The following RBM28 variants were observed in gnomAD, a reference collection of about 807,000 sequenced individuals.
The protein encoded by RBM28 is RNA-binding protein 28.
RBM28 carries 78 observed loss-of-function variants against 98.3 expected under a neutral mutation model. That is an observed-to-expected ratio of 0.79 (90% confidence interval 0.66 to 0.96). RBM28 has a LOEUF of 0.96. RBM28 is among the 40% of genes least tolerant of loss of function. RBM28 has a pLI of 0.00. For synonymous variants in RBM28, 306 were observed against 330.9 expected (o/e 0.92, Z 0.82); for missense variants, 838 against 913.0 (o/e 0.92, Z 1.06).
chr7:128,339,546 A>C, intron 2 of RBM28, 87 bp downstream of exon 2: 1 of 1,487,066 alleles, frequency 6.7e-7, no homozygotes. Context: ...TAAGTTCTAG[A>C]AGCTACCTCC....
At chr7:128,329,188 C>T (rs917445075) in intron 10 of RBM28, among the ~76,000 whole-genome samples, 4 of 152,170 alleles carry the variant, frequency 2.6e-5, no homozygotes, top group Non-Finnish European at 5.9e-5. Context: ...CAACCTCCCC[C>T]TCCCAGGTTC....
At chr7:128,316,913 A>G (rs189080651) in intron 16 of RBM28, among the ~76,000 whole-genome samples, 1,892 of 152,328 alleles carry the variant, frequency 0.012, 16 homozygotes, top group Non-Finnish European at 0.016. Context: ...CACAAAGACT[A>G]CAAATGTTTG....
chr7:128,343,537 G>C (rs953319477), intron 1 of RBM28, 139 bp downstream of exon 1: 3 of 609,336 alleles, frequency 4.9e-6, no homozygotes, highest in Admixed American at 2.9e-5. Flanking sequence ...ATCTAAAGCA[G>C]AATCAGTTTG....
At chr7:128,325,505 A>G (rs1241167303) in intron 11 of RBM28, among the ~76,000 whole-genome samples, 1 of 152,208 alleles carries the variant, frequency 6.6e-6, no homozygotes, top group Non-Finnish European at 1.5e-5. Flanking sequence ...TTAATACCTC[A>G]TCCTAGTCTT....
rs531407819 is a variant in RBM28 at position 128,335,615 on chromosome 7, C to T, written c.874G>A (p.Glu292Lys). 3 of 1,614,204 alleles carry T rather than the reference C, an allele frequency of 1.9e-6. No homozygotes were observed. Among genetic ancestry groups the T allele is most frequent in the Non-Finnish European group, 2.5e-6 (3 of 1,180,030 alleles). ...TCTCCATCATCAATACTATCGCTTT[C>T]CTCTAGGTCACTGTCCTCCTCAGAA... ...DHSEEDSDLE[E>K]SDSIDDGEEL... The change falls in exon 8 of 19, where the codon GAA becomes AAA. Residue 292 changes from glutamate (E) to lysine (K), a missense_variant. By Grantham distance (56) the Glu-to-Lys change is moderately conservative. Coordinates refer to ENST00000223073, the MANE Select transcript of RBM28 (RefSeq NM_018077.3).
chr7:128,323,583 C>A lies in RBM28; in HGVS notation c.1348G>T (p.Ala450Ser). The change falls in exon 13 of 19, where the codon GCT (alanine) becomes TCT (serine). Residue 450 changes from alanine (A) to serine (S), a missense_variant. By Grantham distance (99) the Ala-to-Ser change is moderately conservative. Transcript: ENST00000223073. ...ACACCCTCTGCAGCCTTCGTCCCAG[C>A]ACGAATCACTGCAGAAAGAGGGAAA... ...LYLAREGLIR[A>S]GTKAAEGVSA... 1 of 1,614,212 alleles carries A rather than the reference C, an allele frequency of 6.2e-7. No individual in the cohort carries two copies. The highest frequency in any genetic ancestry group is 8.5e-7 in the Non-Finnish European group (1 of 1,180,034).
intron 12 of RBM28, among the ~76,000 whole-genome samples, chr7:128,323,923 G>A (rs1478014220): frequency 6.6e-6 from 1 of 152,198 alleles, no homozygotes; most frequent in Non-Finnish European, 1.5e-5. Context: ...CATTTAGAAT[G>A]CACAATGTTC....
At position 128,339,225 on chromosome 7, in the gene RBM28, AC is replaced by A. The variant is rs779921432; in HGVS notation, c.372+1del. 5 of 1,604,212 alleles carry A rather than the reference AC, an allele frequency of 3.1e-6. No individual in the cohort carries two copies. The highest frequency in any genetic ancestry group is 4.3e-6 in the Non-Finnish European group (5 of 1,170,978). ...GCAATGTTCATTTTCTCTCTCACTT[AC>A]CTTAAAGCTCAGGTTCCGAATAATT... is the stretch of plus-strand genomic sequence containing the variant. On this transcript the variant is annotated splice_donor_variant, in intron 3 of 18. Coordinates refer to ENST00000223073, the MANE Select transcript of RBM28 (RefSeq NM_018077.3). LOFTEE classifies it high-confidence loss of function.
rs1370026488 is a variant in RBM28, at chr7:128,302,630, A to G, written c.*8167T>C. On this transcript the variant is annotated 3_prime_UTR_variant, in exon 19 of 19. Coordinates refer to ENST00000223073, the MANE Select transcript of RBM28 (RefSeq NM_018077.3). ...CTCCTCAGACTCTCTTTTTTCACCTATTAGTATGTATATGAGTACATTTGG... is the reference window on the plus strand; with the variant it reads ...CTCCTCAGACTCTCTTTTTTCACCTGTTAGTATGTATATGAGTACATTTGG... 6.6e-6 allele frequency: 1 copy of G among 152,170 alleles called. No homozygotes were observed. Among genetic ancestry groups the G allele is most frequent in the Admixed American group, 6.5e-5 (1 of 15,276 alleles). The allele number at this position is 152,170 out of a possible 1,614,324, so 9.4% of individuals were successfully genotyped here.
intron 1 of RBM28, among the ~76,000 whole-genome samples, chr7:128,342,820 C>A (rs1270313182): frequency 6.6e-6 from 1 of 152,156 alleles, no homozygotes; most frequent in African/African-American, 2.4e-5. Context: ...GTTTCAGTAC[C>A]TTTGAGCTTG....
At chr7:128,341,680 T>C (rs1382863293) in intron 1 of RBM28, among the ~76,000 whole-genome samples, 1 of 152,242 alleles carries the variant, frequency 6.6e-6, no homozygotes, top group African/African-American at 2.4e-5. Context: ...TAAGATTGCA[T>C]GTAGCCTATA....
At chr7:128,334,448 A>G (rs756817388) in intron 8 of RBM28, among the ~76,000 whole-genome samples, 125 of 152,224 alleles carry the variant, frequency 8.2e-4, no homozygotes, top group Non-Finnish European at 1.1e-3. Flanking sequence ...TTTGATTCTA[A>G]GGTGTATACC....
intron 10 of RBM28, among the ~76,000 whole-genome samples, chr7:128,329,630 A>T (rs865976469): frequency 9.2e-5 from 14 of 152,226 alleles, no homozygotes; most frequent in Middle Eastern, 3.4e-3. Context: ...GCGCGCCTGT[A>T]ATCCCAGCAC....
chr7:128,335,710 T>G (rs749011889), intron 7 of RBM28, 31 bp from the exon 8 acceptor site: 4 of 1,613,928 alleles, frequency 2.5e-6, no homozygotes, highest in Non-Finnish European at 3.4e-6. Context: ...ACTAAGGAGG[T>G]GGGCTGACAG....
rs1229554533 is a variant in RBM28, at chr7:128,335,605, C to T, written c.884G>A (p.Ser295Asn). The T allele has an allele frequency of 1.2e-6, 2 of 1,614,212 alleles. No homozygotes were observed. Among genetic ancestry groups the T allele is most frequent in the South Asian group, 1.1e-5 (1 of 91,086 alleles). ...EEDSDLEESD[S>N]IDDGEELAQS... ...AGCCAGTTCCTCTCCATCATCAATA[C>T]TATCGCTTTCCTCTAGGTCACTGTC... Residue 295 changes from serine to asparagine, a missense_variant, in exon 8 of 19, where the codon AGT (serine) becomes AAT (asparagine). Transcript: ENST00000223073.
intron 1 of RBM28, among the ~76,000 whole-genome samples, chr7:128,343,143 T>C (rs965821642): frequency 2.0e-5 from 3 of 152,226 alleles, no homozygotes; most frequent in African/African-American, 7.2e-5. Context: ...CAACACTTCC[T>C]GGCACACAGT....
intron 9 of RBM28, among the ~76,000 whole-genome samples, chr7:128,331,941 ATTTCT>A (rs1243573438): frequency 6.6e-6 from 1 of 152,136 alleles, no homozygotes; most frequent in Non-Finnish European, 1.5e-5. Flanking sequence ...TAGCTACATT[ATTTCT>A]TTTAATTTGC....
chr7:128,322,606 A>T (rs1796260927), intron 13 of RBM28, among the ~76,000 whole-genome samples: 1 of 152,230 alleles, frequency 6.6e-6, no homozygotes, highest in Admixed American at 6.5e-5. Flanking sequence ...TTTATAATGC[A>T]TACCTATCAT....
intron 16 of RBM28, 87 bp downstream of exon 16, chr7:128,317,572 A>G: frequency 9.6e-7 from 1 of 1,044,488 alleles, no homozygotes; most frequent in Non-Finnish European, 1.5e-6. Context: ...AACTGAGGGG[A>G]GAACTACTCT....
Sources: gnomAD v4.1 joint callset for allele counts (sites outside exome capture counted in the v4.1 genomes callset) on GRCh38, gnomAD v4.1.1 for gene constraint, MANE v1.5 for transcripts, NCBI Gene and HGNC (gene_info 2026-07-23, HGNC 2026-07-21) for gene names.